Variants in AGBL4 observed in about 807,000 individuals in gnomAD.
AGBL4 encodes the protein cytosolic carboxypeptidase 6.
A neutral mutation model predicts 66.4 loss-of-function variants in AGBL4; 58 were observed. That is an observed-to-expected ratio of 0.87 (90% confidence interval 0.71 to 1.09). The LOEUF is 1.09. Ranked by LOEUF, AGBL4 falls within the 50% of genes least tolerant of loss-of-function variation. The pLI, the probability that AGBL4 is intolerant of heterozygous loss-of-function variation, is 0.00. For missense variants in AGBL4, 579 were observed against 631.0 expected (o/e 0.92, Z 0.88); for synonymous variants, 234 against 222.9 (o/e 1.05, Z -0.44).
chr1:49,486,035 G>C (rs1170197553), intron 3 of AGBL4, among the ~76,000 whole-genome samples: 1 of 151,964 alleles, frequency 6.6e-6, no homozygotes, highest in Non-Finnish European at 1.5e-5. Context: ...CATTTACCCT[G>C]ATGTGAAGAT....
rs989877138 is a variant in AGBL4, at chr1:49,930,099, A to C, written c.35-78581T>G. On this transcript the variant is annotated intron_variant, in intron 1 of 13. Coordinates refer to ENST00000371839, the MANE Select transcript of AGBL4 (RefSeq NM_032785.4). Reference sequence around the variant, plus strand: ...ATCAATAATAAAAAAGGGAAAAAACAGAAATTATCCATTTTTTAGAATGAG... The same window carrying C: ...ATCAATAATAAAAAAGGGAAAAAACCGAAATTATCCATTTTTTAGAATGAG... Among the ~76,000 whole-genome samples, 3 of 152,222 alleles carry C rather than the reference A, an allele frequency of 2.0e-5. No homozygotes were observed. In the South Asian group the frequency reaches 6.2e-4, roughly 32 times the overall value.
At chr1:48,867,563 G>A (rs922178224) in intron 5 of AGBL4, among the ~76,000 whole-genome samples, 2 of 152,126 alleles carry the variant, frequency 1.3e-5, no homozygotes, top group Non-Finnish European at 2.9e-5. Context: ...TCCCAGTCAT[G>A]GGCTCATTCT....
At chr1:49,132,816 T>G (rs1249276007) in intron 4 of AGBL4, among the ~76,000 whole-genome samples, 1 of 152,224 alleles carries the variant, frequency 6.6e-6, no homozygotes, top group Non-Finnish European at 1.5e-5. Context: ...TCAACCATTG[T>G]GGAAGACAGT....
intron 11 of AGBL4, among the ~76,000 whole-genome samples, chr1:48,566,688 A>G (rs146568232): frequency 1.1e-3 from 170 of 152,376 alleles, no homozygotes; most frequent in African/African-American, 3.8e-3. Flanking sequence ...GGTGGGCCTC[A>G]TTCAATCAGT....
At chr1:49,347,211 A>C (rs1309556819) in intron 3 of AGBL4, among the ~76,000 whole-genome samples, 2 of 150,552 alleles carry the variant, frequency 1.3e-5, no homozygotes, top group Non-Finnish European at 3.0e-5. Flanking sequence ...AGAATGGCCT[A>C]CTATGTCTAT....
At chr1:48,918,924 C>T (rs1006373067) in intron 5 of AGBL4, among the ~76,000 whole-genome samples, 1 of 152,140 alleles carries the variant, frequency 6.6e-6, no homozygotes, top group African/African-American at 2.4e-5. Flanking sequence ...CAGGTATCTC[C>T]CCAAGTCCCC....
At chr1:49,643,925 AT>A (rs1352722268) in intron 3 of AGBL4, among the ~76,000 whole-genome samples, 4 of 151,754 alleles carry the variant, frequency 2.6e-5, no homozygotes, top group Non-Finnish European at 4.4e-5. Context: ...ACTGATAAAT[AT>A]AAAAGACTTT....
chr1:48,544,832 C>A (rs1263781852), intron 11 of AGBL4, among the ~76,000 whole-genome samples: 1 of 152,152 alleles, frequency 6.6e-6, no homozygotes, highest in East Asian at 1.9e-4. Flanking sequence ...CTGCAACACA[C>A]CACTCTTCAA....
At chr1:48,960,170 T>C (rs1405371555) in intron 5 of AGBL4, among the ~76,000 whole-genome samples, 3 of 151,914 alleles carry the variant, frequency 2.0e-5, no homozygotes, top group Non-Finnish European at 4.4e-5. Context: ...TGAGAGTGAA[T>C]AGGAATATGG....
At chr1:49,579,613 C>A (rs1173312366) in intron 3 of AGBL4, among the ~76,000 whole-genome samples, 5 of 152,152 alleles carry the variant, frequency 3.3e-5, no homozygotes, top group Admixed American at 6.5e-5. Flanking sequence ...CATTCTCCTG[C>A]CTCAGCCTCC....
At chr1:49,888,219 G>GA (rs1648269118) in intron 1 of AGBL4, among the ~76,000 whole-genome samples, 2 of 151,960 alleles carry the variant, frequency 1.3e-5, no homozygotes. Context: ...AAAGAAATGT[G>GA]AAAAAAGTAA....
At chr1:48,596,002 A>C (rs1368749937) in intron 9 of AGBL4, among the ~76,000 whole-genome samples, 1 of 152,250 alleles carries the variant, frequency 6.6e-6, no homozygotes, top group East Asian at 1.9e-4. Flanking sequence ...AATAACCGCA[A>C]GTTGAGCAGG....
chr1:49,515,172 A>C (rs760516662), intron 3 of AGBL4, among the ~76,000 whole-genome samples: 2 of 152,150 alleles, frequency 1.3e-5, no homozygotes, highest in Non-Finnish European at 2.9e-5. Context: ...ATCTACAATG[A>C]ACTCAAAGAA....
chr1:48,960,731 A>G (rs1189273582), intron 5 of AGBL4, among the ~76,000 whole-genome samples: 3 of 152,240 alleles, frequency 2.0e-5, no homozygotes, highest in Non-Finnish European at 4.4e-5. Context: ...TAGAATATAG[A>G]ATACTCTGTC....
chr1:49,452,513 G>C (rs763752583), intron 3 of AGBL4, among the ~76,000 whole-genome samples: 4 of 151,772 alleles, frequency 2.6e-5, no homozygotes, highest in Non-Finnish European at 5.9e-5. Flanking sequence ...ATGATTACAT[G>C]GGGGTTCAAT....
chr1:49,457,153 T>G (rs1345228254), intron 3 of AGBL4, among the ~76,000 whole-genome samples: 2 of 151,888 alleles, frequency 1.3e-5, no homozygotes. Context: ...TTTAACAGTG[T>G]TTTCCATAGT....
chr1:49,187,395 G>A (rs992973079), intron 4 of AGBL4: 2 of 152,104 alleles, frequency 1.3e-5, no homozygotes, highest in African/African-American at 2.4e-5. Context: ...ATCCAGTCAT[G>A]GGAAAATTAA....
At chr1:49,674,054 T>C (rs1460948642) in intron 3 of AGBL4, among the ~76,000 whole-genome samples, 1 of 151,948 alleles carries the variant, frequency 6.6e-6, no homozygotes, top group Non-Finnish European at 1.5e-5. Flanking sequence ...GAATCATGAG[T>C]GTGTGTACCC....
intron 1 of AGBL4, among the ~76,000 whole-genome samples, chr1:49,935,294 A>G (rs1392991336): frequency 6.6e-6 from 1 of 152,238 alleles, no homozygotes; most frequent in Non-Finnish European, 1.5e-5. Flanking sequence ...GGCGCCCGCC[A>G]TTGCCCAGGC....
Sources: allele counts gnomAD v4.1 joint callset (sites outside exome capture counted in the v4.1 genomes callset), GRCh38; gene constraint gnomAD v4.1.1; transcripts MANE v1.5; gene names NCBI Gene and HGNC (gene_info 2026-07-23, HGNC 2026-07-21).